Variants in THSD7B observed in about 807,000 individuals in gnomAD.
THSD7B encodes thrombospondin type-1 domain-containing protein 7B.
THSD7B carries 138 observed loss-of-function variants against 213.6 expected under a neutral mutation model. That is an observed-to-expected ratio of 0.65 (90% confidence interval 0.56 to 0.74). The LOEUF (loss-of-function observed/expected upper bound fraction) is 0.74. Among genes scored for constraint, THSD7B ranks in the 30% least tolerant of loss-of-function variants. The pLI, the probability that THSD7B is intolerant of heterozygous loss-of-function variation, is 0.00. For missense variants in THSD7B, 1,931 were observed against 1,991.5 expected (o/e 0.97, Z 0.58); for synonymous variants, 742 against 687.0 (o/e 1.08, Z -1.25).
rs147529577 is a variant in THSD7B, at chr2:137,320,137, G to T, written c.2500+44111G>T. On this transcript the variant is annotated intron_variant, in intron 12 of 27. Transcript: ENST00000409968. The stretch of plus-strand genomic sequence containing the variant: ...TAATGTGTTTAGGCCACTATAATTG[G>T]ATTTCTGTTATTAGCAGCTGAATCT... Among the ~76,000 whole-genome samples, 156 of 152,246 alleles carry T rather than the reference G, an allele frequency of 1.0e-3. 2 individuals are homozygous for T. The East Asian group carries it at 0.029, about 28-fold the overall frequency.
rs138824817 is a variant in THSD7B, at chr2:137,318,495, A to T, written c.2500+42469A>T. On this transcript the variant is annotated intron_variant, in intron 12 of 27. Coordinates refer to ENST00000409968, the MANE Select transcript of THSD7B (RefSeq NM_001316349.2). ...ATCTTATCCCAGATACATCTACTGA[A>T]AGTAAAAACAGAGGTAATACCCTCA... Among the ~76,000 whole-genome samples the T allele has an allele frequency of 7.6e-4, 115 of 152,238 alleles. 1 individual carries two copies. The East Asian group carries it at 0.019, about 25-fold the overall frequency.
At chr2:137,623,495 A>G (rs1262020048) in intron 20 of THSD7B, among the ~76,000 whole-genome samples, 1 of 152,168 alleles carries the variant, frequency 6.6e-6, no homozygotes, top group Admixed American at 6.5e-5. Flanking sequence ...TAGGCAGGAG[A>G]AAGAAATAAA....
chr2:136,986,858 A>G (rs1573750869), intron 2 of THSD7B, among the ~76,000 whole-genome samples: 1 of 152,214 alleles, frequency 6.6e-6, no homozygotes, highest in African/African-American at 2.4e-5. Context: ...GTATAACTGT[A>G]AGCATAGCTT....
At chr2:137,455,569 C>G (rs139985716) in intron 15 of THSD7B, among the ~76,000 whole-genome samples, 20 of 152,178 alleles carry the variant, frequency 1.3e-4, no homozygotes, top group African/African-American at 4.6e-4. Context: ...ACCATGATAG[C>G]TCTTTCTCTA....
intron 1 of THSD7B, among the ~76,000 whole-genome samples, chr2:136,790,151 GTGTT>G (rs1277909312): frequency 1.3e-5 from 2 of 151,446 alleles, no homozygotes; most frequent in Non-Finnish European, 2.9e-5. Context: ...GTTTGTGTGT[GTGTT>G]TATTATACAT....
intron 3 of THSD7B, among the ~76,000 whole-genome samples, chr2:137,065,678 CTTCT>C (rs57050008): frequency 0.17 from 25,498 of 151,582 alleles, 2,859 homozygotes; most frequent in African/African-American, 0.31. Flanking sequence ...TGATTTTTTT[CTTCT>C]TTCTTAGCAT....
chr2:137,587,883 G>A (rs1404521707), intron 17 of THSD7B, among the ~76,000 whole-genome samples: 1 of 152,212 alleles, frequency 6.6e-6, no homozygotes, highest in Non-Finnish European at 1.5e-5. Context: ...GGACATTTAA[G>A]TCTGCAGAGG....
intron 7 of THSD7B, among the ~76,000 whole-genome samples, chr2:137,230,499 T>C (rs1249232788): frequency 6.6e-6 from 1 of 152,204 alleles, no homozygotes; most frequent in Non-Finnish European, 1.5e-5. Context: ...GTCAACACGT[T>C]ATATAATTTT....
chr2:137,145,102 A>G (rs551634240), intron 5 of THSD7B, among the ~76,000 whole-genome samples: 3 of 152,116 alleles, frequency 2.0e-5, no homozygotes, highest in Non-Finnish European at 4.4e-5. Flanking sequence ...TTTGAGACAT[A>G]AAGCCTCCTT....
Position 137,095,128 on chromosome 2 carries a change from C to A in THSD7B, c.1199+7C>A, listed in dbSNP as rs7561482. The A allele has an allele frequency of 1.2e-6, 2 of 1,612,568 alleles. No individual in the cohort carries two copies. The highest frequency in any genetic ancestry group is 1.3e-5 in the African/African-American group (1 of 74,886). On this transcript the variant is annotated splice_region_variant and intron_variant, in intron 4 of 27. Transcript: ENST00000409968. ...TTCTGCAGCAATGTCCCAGGTATTACGCCTTTATGCCTTCTTTAGTGTGAA... is the reference window on the plus strand; with the variant it reads ...TTCTGCAGCAATGTCCCAGGTATTAAGCCTTTATGCCTTCTTTAGTGTGAA...
chr2:137,614,665 G>A (rs1168857103), intron 17 of THSD7B, among the ~76,000 whole-genome samples: 1 of 152,114 alleles, frequency 6.6e-6, no homozygotes, highest in African/African-American at 2.4e-5. Context: ...AAGAATAATT[G>A]CTTGGTTTCA....
At chr2:137,427,875 T>G (rs1208304501) in intron 14 of THSD7B, among the ~76,000 whole-genome samples, 1 of 152,174 alleles carries the variant, frequency 6.6e-6, no homozygotes, top group Non-Finnish European at 1.5e-5. Context: ...TGAAGTGAAG[T>G]ATATGTTATT....
intron 5 of THSD7B, among the ~76,000 whole-genome samples, chr2:137,143,058 A>G (rs1345147231): frequency 6.6e-6 from 1 of 152,174 alleles, no homozygotes; most frequent in African/African-American, 2.4e-5. Flanking sequence ...AAAGGCTATA[A>G]GAGTATCCTG....
At chr2:136,865,876 A>G (rs1683323491) in intron 1 of THSD7B, among the ~76,000 whole-genome samples, 1 of 152,192 alleles carries the variant, frequency 6.6e-6, no homozygotes, top group Non-Finnish European at 1.5e-5. Flanking sequence ...ACCTAAGTTT[A>G]TTCAGGACTT....
chr2:137,188,908 T>A (rs1044387855), intron 7 of THSD7B, among the ~76,000 whole-genome samples: 3 of 152,154 alleles, frequency 2.0e-5, no homozygotes, highest in African/African-American at 7.2e-5. Context: ...GAGGAAGAGT[T>A]TTACATAGAG....
intron 17 of THSD7B, among the ~76,000 whole-genome samples, chr2:137,600,736 A>G (rs1306402538): frequency 6.6e-6 from 1 of 152,154 alleles, no homozygotes. Context: ...ACCATTTCAA[A>G]AACAAAACAA....
chr2:137,621,860 T>A (rs575472262), intron 20 of THSD7B, among the ~76,000 whole-genome samples: 1 of 152,284 alleles, frequency 6.6e-6, no homozygotes, highest in South Asian at 2.1e-4. Context: ...ATTAGGCAGC[T>A]GCATCTGGTG....
At chr2:137,110,989 C>G (rs553423532) in intron 4 of THSD7B, among the ~76,000 whole-genome samples, 1 of 152,260 alleles carries the variant, frequency 6.6e-6, no homozygotes, top group African/African-American at 2.4e-5. Context: ...GTAGGCTACA[C>G]CATCTAGGTT....
chr2:137,209,727 T>C (rs1438149768), intron 7 of THSD7B, among the ~76,000 whole-genome samples: 1 of 151,752 alleles, frequency 6.6e-6, no homozygotes, highest in African/African-American at 2.4e-5. Context: ...CCACGTATTA[T>C]CTAAATTTAA....
Sources: gnomAD v4.1 joint callset for allele counts (sites outside exome capture counted in the v4.1 genomes callset) on GRCh38, gnomAD v4.1.1 for gene constraint, MANE v1.5 for transcripts, NCBI Gene and HGNC (gene_info 2026-07-23, HGNC 2026-07-21) for gene names.